IL1RAPL1: variants seen among roughly 807,000 people sequenced by gnomAD.
IL1RAPL1 encodes interleukin 1 receptor accessory protein like 1, also known as interleukin-1 receptor accessory protein-like 1.
In IL1RAPL1, 3 loss-of-function variants were observed where a neutral mutation model predicts 48.4. The ratio of observed to expected loss-of-function variants is 0.06; its 90% CI spans 0.03 to 0.16. The LOEUF is 0.16. Ranked by LOEUF, IL1RAPL1 falls within the 10% of genes least tolerant of loss-of-function variation. IL1RAPL1 has a pLI of 1.00. For missense variants in IL1RAPL1, 349 were observed against 530.6 expected, an observed-to-expected ratio of 0.66 and a Z score of 3.36; for synonymous variants, 185 against 187.7, an observed-to-expected ratio of 0.99 and a Z score of 0.12.
intron 5 of IL1RAPL1, among the ~76,000 whole-genome samples, chrX:29,637,592 C>A (rs1424937221): frequency 9.1e-6 from 1 of 110,453 alleles, no homozygotes; most frequent in African/African-American, 3.3e-5. Context: ...CAAAATAAAT[C>A]CTCTTTCACA....
intron 6 of IL1RAPL1, among the ~76,000 whole-genome samples, chrX:29,856,524 G>A (rs1027460106): frequency 1.8e-5 from 2 of 111,669 alleles, no homozygotes; most frequent in Non-Finnish European, 3.8e-5. Context: ...AGTGTAATAA[G>A]GACTGTAGAT....
At chrX:29,002,440 A>G (rs1925876668) in intron 2 of IL1RAPL1, among the ~76,000 whole-genome samples, 1 of 109,928 alleles carries the variant, frequency 9.1e-6, no homozygotes, top group Non-Finnish European at 1.9e-5. Flanking sequence ...TACTGGTAAT[A>G]TTTCTTGACC....
chrX:29,090,386 A>G (rs1928063415), intron 2 of IL1RAPL1, among the ~76,000 whole-genome samples: 1 of 112,158 alleles, frequency 8.9e-6, no homozygotes, highest in African/African-American at 3.2e-5. Flanking sequence ...AGGAGAATCC[A>G]TTAAACGCTT....
chrX:29,126,218 G>C (rs763803363), intron 2 of IL1RAPL1, among the ~76,000 whole-genome samples: 1 of 111,476 alleles, frequency 9.0e-6, no homozygotes, highest in Admixed American at 9.5e-5. Context: ...TTTGTGAGTT[G>C]AGTGCATACT....
chrX:29,801,000 CAAAAAAAAAAAAAAA>C (rs781152873), intron 6 of IL1RAPL1, among the ~76,000 whole-genome samples: 1 of 1,739 alleles, frequency 5.8e-4, no homozygotes, highest in Non-Finnish European at 1.7e-3. Flanking sequence ...AACTCCGTCT[CAAAAAAAAAAAAAAA>C]AAAAAAAAAA....
chrX:29,234,581 C>A (rs1006607469), intron 2 of IL1RAPL1, among the ~76,000 whole-genome samples: 2 of 112,028 alleles, frequency 1.8e-5, no homozygotes, highest in Non-Finnish European at 3.8e-5. Flanking sequence ...GAATAAATAT[C>A]ATCTGTCCTC....
At chrX:29,091,444 A>G (rs1234846438) in intron 2 of IL1RAPL1, among the ~76,000 whole-genome samples, 1 of 112,062 alleles carries the variant, frequency 8.9e-6, no homozygotes, top group Non-Finnish European at 1.9e-5. Context: ...AACGTACAGG[A>G]CTGGGGCTTC....
intron 5 of IL1RAPL1, among the ~76,000 whole-genome samples, chrX:29,664,245 A>C (rs997756592): frequency 9.0e-6 from 1 of 110,751 alleles, no homozygotes; most frequent in Non-Finnish European, 1.9e-5. Context: ...TCTACTAAAA[A>C]TACAAAAAAT....
intron 5 of IL1RAPL1, among the ~76,000 whole-genome samples, chrX:29,558,305 A>G (rs1457984573): frequency 8.9e-6 from 1 of 111,872 alleles, no homozygotes; most frequent in African/African-American, 3.2e-5. Flanking sequence ...GCACCTTTTC[A>G]TCTACCTGTT....
chrX:29,867,143 T>TA (rs373140544), intron 6 of IL1RAPL1, among the ~76,000 whole-genome samples: 1,162 of 107,731 alleles, frequency 0.011, 13 homozygotes, highest in African/African-American at 0.035. Flanking sequence ...TATATATTGG[T>TA]AAAAAAAAAA....
intron 6 of IL1RAPL1, among the ~76,000 whole-genome samples, chrX:29,811,611 A>C (rs985297451): frequency 9.0e-6 from 1 of 111,145 alleles, no homozygotes; most frequent in Non-Finnish European, 1.9e-5. Flanking sequence ...CAGTCCAATC[A>C]AGTTGACACT....
intron 2 of IL1RAPL1, among the ~76,000 whole-genome samples, chrX:29,220,183 T>C (rs1464747594): frequency 5.4e-5 from 6 of 112,121 alleles, no homozygotes; most frequent in Non-Finnish European, 1.1e-4. Context: ...GCCCACCTGG[T>C]TGAAAATTAA....
intron 6 of IL1RAPL1, among the ~76,000 whole-genome samples, chrX:29,690,165 A>T (rs1014953968): frequency 8.9e-6 from 1 of 111,798 alleles, no homozygotes; most frequent in Non-Finnish European, 1.9e-5. Context: ...GAGGAAGGTG[A>T]TATCAATAAT....
At chrX:29,445,598 G>T (rs1934603172) in intron 5 of IL1RAPL1, among the ~76,000 whole-genome samples, 2 of 111,962 alleles carry the variant, frequency 1.8e-5, no homozygotes, top group Non-Finnish European at 3.8e-5. Flanking sequence ...ATATAAAAAT[G>T]TGTTGGTATT....
chrX:28,754,652 A>G (rs891849799), intron 1 of IL1RAPL1, among the ~76,000 whole-genome samples: 4 of 112,242 alleles, frequency 3.6e-5, no homozygotes, highest in East Asian at 5.6e-4. Context: ...TAAATATACA[A>G]TCTCAAATTC....
chrX:29,752,791 A>G (rs1419103605), intron 6 of IL1RAPL1, among the ~76,000 whole-genome samples: 1 of 111,986 alleles, frequency 8.9e-6, no homozygotes, highest in African/African-American at 3.2e-5. Flanking sequence ...GAGGAAAGTT[A>G]GTAAAAGTAA....
rs188487460 is a variant in IL1RAPL1 at position 29,507,170 on chromosome X, C to T, written c.703+107862C>T. 5.1e-3 allele frequency among the ~76,000 whole-genome samples: 555 copies of T among 108,207 alleles called. 1 individual carries two copies. Among genetic ancestry groups the T allele is most frequent in the Middle Eastern group, 0.014 (3 of 212 alleles). 94.0% of individuals were successfully genotyped at this position (108,207 alleles called of 115,157 possible). A position where few individuals can be genotyped will look rare whatever the true frequency, so the allele number is the denominator to read the frequency against. On this transcript the variant is annotated intron_variant, in intron 5 of 10. Coordinates refer to ENST00000378993, the MANE Select transcript of IL1RAPL1 (RefSeq NM_014271.4). ...AGGGGAGGAAGTAAAGCCAGCTTAG[C>T]TCTGCATCACCATTATGAAACCAGA...
chrX:29,064,241 T>C (rs1049896825), intron 2 of IL1RAPL1, among the ~76,000 whole-genome samples: 3 of 112,283 alleles, frequency 2.7e-5, no homozygotes, highest in Non-Finnish European at 5.6e-5. Context: ...ATTTTTCTAG[T>C]ATAGGTCATT....
chrX:28,631,444 T>C (rs985349452), intron 1 of IL1RAPL1, among the ~76,000 whole-genome samples: 2 of 111,827 alleles, frequency 1.8e-5, no homozygotes, highest in African/African-American at 6.5e-5. Flanking sequence ...AATAAATATC[T>C]AATTGCACAC....
Sources: allele counts gnomAD v4.1 joint callset (sites outside exome capture counted in the v4.1 genomes callset), GRCh38; gene constraint gnomAD v4.1.1; transcripts MANE v1.5; gene names NCBI Gene and HGNC (gene_info 2026-07-23, HGNC 2026-07-21).